Variants in TJAP1 observed in about 807,000 individuals in gnomAD.
The protein encoded by TJAP1 is tight junction-associated protein 1.
TJAP1 carries 27 observed loss-of-function variants against 42.0 expected under a neutral mutation model. The ratio of observed to expected loss-of-function variants is 0.64; its 90% CI spans 0.47 to 0.89. The LOEUF (loss-of-function observed/expected upper bound fraction) is 0.89. TJAP1 is among the 40% of genes least tolerant of loss of function. The pLI is 0.00. For synonymous variants in TJAP1, 257 were observed against 288.4 expected (o/e 0.89, Z 1.10); for missense variants, 712 against 726.9 (o/e 0.98, Z 0.24).
intron 8 of TJAP1, chr6:43,502,944 G>T (rs2127638564): frequency 2.0e-6 from 1 of 507,892 alleles, no homozygotes; most frequent in East Asian, 3.6e-5. Context: ...AGATCAGAAG[G>T]CTACTTTTGA....
At chr6:43,479,768 G>A (rs1784929568) in intron 2 of TJAP1, among the ~76,000 whole-genome samples, 1 of 152,112 alleles carries the variant, frequency 6.6e-6, no homozygotes, top group Non-Finnish European at 1.5e-5. Context: ...TCAAGAGATC[G>A]AGACCATCCT....
chr6:43,480,917 C>A (rs1562234622), intron 2 of TJAP1, among the ~76,000 whole-genome samples: 1 of 152,282 alleles, frequency 6.6e-6, no homozygotes, highest in East Asian at 1.9e-4. Context: ...TGCTTAAGAT[C>A]ACCCAGCTAG....
At position 43,505,299 on chromosome 6, in the gene TJAP1, G is replaced by A. The variant is rs1792066433; in HGVS notation, c.1118G>A (p.Ser373Asn). ...GAGGGGAGTGAGCGGGCCCGCCCCA[G>A]CCCAGTGCCCAGCACCCCTGCCTCA... The change falls in exon 11 of 11, where the codon AGC (serine) becomes AAC (asparagine). Residue 373 changes from serine (S) to asparagine (N), a missense_variant. By Grantham distance (46) the Ser-to-Asn change is conservative (BLOSUM62 1). Transcript: ENST00000372449. The surrounding 1 kb of genome is among the most constrained non-coding windows in gnomAD (Gnocchi z 5.5). 1.2e-6 allele frequency: 2 copies of A among 1,611,158 alleles called. No individual in the cohort carries two copies. Among genetic ancestry groups the A allele is most frequent in the Admixed American group, 3.3e-5 (2 of 59,984 alleles).
chr6:43,500,648 C>T (rs1362122044), intron 4 of TJAP1, 96 bp from the exon 5 acceptor site: 2 of 1,407,024 alleles, frequency 1.4e-6, no homozygotes, highest in African/African-American at 1.4e-5. Flanking sequence ...AGTCTTTGGG[C>T]TTCACACCTG....
In TJAP1 at chr6:43,505,351, C is replaced by T. The variant is rs1193323174; in HGVS notation, c.1170C>T (p.Pro390=). 6.2e-7 allele frequency: 1 copy of T among 1,608,932 alleles called. No homozygotes were observed. Among genetic ancestry groups the T allele is most frequent in the Non-Finnish European group, 8.5e-7 (1 of 1,179,496 alleles). ...CCCAGGCCTCACCCCACCACCAGCC[C>T]AGCCCAGCACCCCTAACACTCAGTG... The change falls in exon 11 of 11, where the codon CCC becomes CCT. Residue 390 remains proline (P), a synonymous_variant. Coordinates refer to ENST00000372449, the Ensembl canonical transcript of TJAP1. The surrounding 1 kb of genome is among the most constrained non-coding windows in gnomAD (Gnocchi z 5.5).
At chr6:43,499,392 G>A (rs1055207938) in intron 4 of TJAP1, among the ~76,000 whole-genome samples, 1 of 152,252 alleles carries the variant, frequency 6.6e-6, no homozygotes, top group Non-Finnish European at 1.5e-5. Context: ...AGTAGACTGA[G>A]GGGTCCTAAT....
rs780420679 is a variant in TJAP1 at position 43,501,591 on chromosome 6, C to T, written c.194C>T (p.Ala65Val). Residue 65 changes from alanine (A) to valine (V), a missense_variant, in exon 6 of 11, where the codon GCC (alanine) becomes GTC (valine). Physicochemically the swap from Ala to Val is moderately conservative, Grantham distance 64. This residue lies in a region of TJAP1 where 158 missense variants were observed against 182.1 expected (regional missense o/e 0.87). Coordinates refer to ENST00000372449, the Ensembl canonical transcript of TJAP1. ...GCCTCCGCCACCAGACGCACTGAGG[C>T]CCTGGAACGTGAGCTGGAAATTGGG... 7 of 1,613,886 alleles carry T rather than the reference C, an allele frequency of 4.3e-6. No individual in the cohort carries two copies. The African/African-American group carries it at 9.3e-5, about 22-fold the overall frequency.
intron 2 of TJAP1, among the ~76,000 whole-genome samples, chr6:43,489,369 G>A (rs1787290288): frequency 6.6e-6 from 1 of 152,236 alleles, no homozygotes; most frequent in African/African-American, 2.4e-5. Context: ...GCGGCAGTGT[G>A]CAGCCCGTGC....
Position 43,504,755 on chromosome 6 carries a change from C to T in TJAP1, c.580-6C>T. 6.2e-7 allele frequency: 1 copy of T among 1,606,010 alleles called. No individual in the cohort carries two copies. Among genetic ancestry groups the T allele is most frequent in the Non-Finnish European group, 8.5e-7 (1 of 1,173,800 alleles). On this transcript the variant is annotated splice_polypyrimidine_tract_variant and splice_region_variant and intron_variant, in intron 10 of 10. Transcript: ENST00000372449. The stretch of plus-strand genomic sequence containing the variant: ...GATGTCTCTCTTTCCTGCTCTTTTA[C>T]CTCAGCTGCCCTGTGAGCTACAGGA...
At chr6:43,499,034 C>T in exon 4 of TJAP1, 1 of 1,614,156 alleles carries the variant, frequency 6.2e-7, no homozygotes, top group Non-Finnish European at 8.5e-7. Context: ...AGAAACCCTA[C>T]CGTAAGGCAC....
At chr6:43,503,565 C>T (rs1032092578) in intron 9 of TJAP1, 57 bp downstream of exon 9, 14 of 1,610,272 alleles carry the variant, frequency 8.7e-6, no homozygotes, top group African/African-American at 4.0e-5. Context: ...TGTCCTGGCT[C>T]GGCCCTGCTT....
In TJAP1 at chr6:43,504,665, G is replaced by C. The variant is rs144434202; in HGVS notation, c.580-96G>C. ...GAGATAGCAGAGTGCTGAGTACACA[G>C]AGGTACTTAAAGGTGGGAGCCATTA... On this transcript the variant is annotated intron_variant, in intron 10 of 10. Transcript: ENST00000372449. 1.2e-5 allele frequency: 17 copies of C among 1,454,078 alleles called. No individual in the cohort carries two copies. In the East Asian group the frequency reaches 3.9e-4, roughly 33 times the overall value. The allele number at this position is 1,454,078 out of a possible 1,614,324, so 90.1% of individuals were successfully genotyped here. A position where few individuals can be genotyped will look rare whatever the true frequency, so the allele number is the denominator to read the frequency against.
intron 2 of TJAP1, among the ~76,000 whole-genome samples, chr6:43,496,149 C>A (rs538627436): frequency 6.6e-6 from 1 of 152,266 alleles, no homozygotes; most frequent in African/African-American, 2.4e-5. Flanking sequence ...GAGACCAACT[C>A]TCTGAGCTGC....
At chr6:43,499,211 G>A (rs1789949900) in intron 4 of TJAP1, 111 bp downstream of exon 4, 4 of 1,522,528 alleles carry the variant, frequency 2.6e-6, no homozygotes, top group Non-Finnish European at 3.5e-6. Context: ...GGTGAGAGTG[G>A]GCCTTGCTGT....
intron 7 of TJAP1, 96 bp from the exon 8 acceptor site, chr6:43,502,492 T>G (rs1435793802): frequency 6.7e-7 from 1 of 1,497,070 alleles, no homozygotes; most frequent in Non-Finnish European, 9.1e-7. Context: ...TGCAGTGTGC[T>G]CTGCAAGTCA....
At chr6:43,502,219 G>A in intron 6 of TJAP1, 64 bp from the exon 7 acceptor site, 10 of 1,556,026 alleles carry the variant, frequency 6.4e-6, no homozygotes, top group East Asian at 2.3e-5. Context: ...TATCGGGGAG[G>A]CTGAACAGAG....
In TJAP1 at chr6:43,503,157, T is replaced by C. The variant is rs529367229; in HGVS notation, c.388-244T>C. 1.0e-3 allele frequency: 554 copies of C among 554,944 alleles called. 2 individuals carry two copies. The highest frequency in any genetic ancestry group is 7.7e-3 in the South Asian group (375 of 48,682). 34.4% of individuals were successfully genotyped at this position (554,944 alleles called of 1,614,324 possible). On this transcript the variant is annotated intron_variant, in intron 8 of 10. Coordinates refer to ENST00000372449, the Ensembl canonical transcript of TJAP1. ...AACCTCAGGGGATGGACAGCTCTTA[T>C]ACTGCCTGTGTCCTGGGCCCAGGTG...
chr6:43,501,093 G>A, intron 5 of TJAP1: 1 of 431,290 alleles, frequency 2.3e-6, no homozygotes, highest in Non-Finnish European at 4.2e-6. Context: ...TTAGCCACAT[G>A]AGGCCTCTGG....
intron 4 of TJAP1, 132 bp from the exon 5 acceptor site, chr6:43,500,612 G>A (rs1447586646): frequency 4.3e-6 from 4 of 933,070 alleles, no homozygotes; most frequent in Non-Finnish European, 5.2e-6. Context: ...TCCGTAGAGA[G>A]CCCTGCAGCC....
Sources: gnomAD v4.1 joint callset for allele counts (sites outside exome capture counted in the v4.1 genomes callset) on GRCh38, gnomAD v4.1.1 for gene constraint, gnomAD v4.1.1 regional missense constraint, Gnocchi (gnomAD v3.1) non-coding constraint, MANE v1.5 for transcripts, NCBI Gene and HGNC (gene_info 2026-07-23, HGNC 2026-07-21) for gene names.